Variants in EPHA6 observed in about 807,000 individuals in gnomAD.
EPHA6 encodes ephrin type-A receptor 6.
Under a neutral mutation model 112.0 loss-of-function variants are expected in EPHA6, and 50 were observed. The observed-to-expected ratio is 0.45, with a 90% confidence interval of 0.36 to 0.56. The LOEUF is 0.56. Ranked by LOEUF, EPHA6 falls within the 20% of genes least tolerant of loss-of-function variation. EPHA6 has a pLI of 0.00. For synonymous variants in EPHA6, 529 were observed against 490.7 expected, an observed-to-expected ratio of 1.08 and a Z score of -1.03; for missense variants, 1,280 against 1,417.4, an observed-to-expected ratio of 0.90 and a Z score of 1.56.
At chr3:97,725,607 G>A (rs1284428787) in intron 15 of EPHA6, among the ~76,000 whole-genome samples, 1 of 152,070 alleles carries the variant, frequency 6.6e-6, no homozygotes, top group Non-Finnish European at 1.5e-5. Context: ...AGATGTTATT[G>A]AAAAGACCAG....
intron 10 of EPHA6, among the ~76,000 whole-genome samples, chr3:97,500,229 G>T (rs2092081574): frequency 6.6e-6 from 1 of 152,092 alleles, no homozygotes; most frequent in Non-Finnish European, 1.5e-5. Context: ...TTGGGATGTG[G>T]TATGTGTAAG....
At chr3:97,215,778 A>G (rs1409082666) in intron 3 of EPHA6, among the ~76,000 whole-genome samples, 1 of 152,152 alleles carries the variant, frequency 6.6e-6, no homozygotes, top group African/African-American at 2.4e-5. Flanking sequence ...ACATATTTTG[A>G]AATAAAAATT....
intron 5 of EPHA6, among the ~76,000 whole-genome samples, chr3:97,258,705 T>C (rs977003768): frequency 4.6e-5 from 7 of 152,164 alleles, no homozygotes; most frequent in African/African-American, 1.7e-4. Context: ...TGATCAACTC[T>C]GTGTTCTAGT....
intron 3 of EPHA6, among the ~76,000 whole-genome samples, chr3:97,056,223 C>T (rs1197841015): frequency 6.6e-6 from 1 of 152,082 alleles, no homozygotes; most frequent in Non-Finnish European, 1.5e-5. Context: ...ATTGGTGCTA[C>T]TATATAATCT....
chr3:96,925,657 G>A (rs1242923781), intron 2 of EPHA6, among the ~76,000 whole-genome samples: 8 of 149,452 alleles, frequency 5.4e-5, no homozygotes, highest in Admixed American at 4.7e-4. Flanking sequence ...CCAAGCTGGA[G>A]TGCAGTGACG....
intron 7 of EPHA6, among the ~76,000 whole-genome samples, chr3:97,453,247 T>C (rs1200708625): frequency 6.6e-6 from 1 of 151,640 alleles, no homozygotes; most frequent in African/African-American, 2.4e-5. Context: ...ACAGAATCCA[T>C]AGCTTAAAGC....
intron 2 of EPHA6, among the ~76,000 whole-genome samples, chr3:96,982,438 G>C (rs1240995458): frequency 6.6e-6 from 1 of 152,120 alleles, no homozygotes; most frequent in Non-Finnish European, 1.5e-5. Flanking sequence ...TATAATTTCT[G>C]TTCTTTTACA....
At chr3:96,820,058 T>C (rs2033129755) in intron 1 of EPHA6, among the ~76,000 whole-genome samples, 1 of 151,962 alleles carries the variant, frequency 6.6e-6, no homozygotes. Flanking sequence ...TGGGAAGAAG[T>C]GCGTAACATA....
At chr3:97,622,154 A>G (rs963847428) in intron 13 of EPHA6, among the ~76,000 whole-genome samples, 2 of 151,880 alleles carry the variant, frequency 1.3e-5, no homozygotes, top group African/African-American at 4.8e-5. Context: ...TATCACCAGT[A>G]TCCATCTGCA....
At chr3:96,957,329 A>G (rs895610387) in intron 2 of EPHA6, among the ~76,000 whole-genome samples, 1 of 152,198 alleles carries the variant, frequency 6.6e-6, no homozygotes, top group East Asian at 1.9e-4. Context: ...TAAAGATATA[A>G]CTATGGTAGA....
chr3:97,197,794 A>G (rs1328473647), intron 3 of EPHA6, among the ~76,000 whole-genome samples: 1 of 152,056 alleles, frequency 6.6e-6, no homozygotes, highest in Admixed American at 6.6e-5. Context: ...AACTTTATTT[A>G]GAACCCCATA....
chr3:97,547,783 A>G (rs1442175444), intron 11 of EPHA6, among the ~76,000 whole-genome samples: 1 of 152,132 alleles, frequency 6.6e-6, no homozygotes, highest in Admixed American at 6.5e-5. Flanking sequence ...CCCCTCCCCC[A>G]GCCTCACTGC....
At chr3:97,719,872 T>G (rs558060986) in intron 14 of EPHA6, among the ~76,000 whole-genome samples, 3 of 152,310 alleles carry the variant, frequency 2.0e-5, no homozygotes, top group Non-Finnish European at 4.4e-5. Flanking sequence ...TTAGAGATTA[T>G]TCTCATTATT....
chr3:97,244,247 C>G lies in EPHA6; in HGVS notation c.1566C>G (p.Pro522=). The G allele has an allele frequency of 6.2e-7, 1 of 1,613,210 alleles. No homozygotes were observed. Among genetic ancestry groups the G allele is most frequent in the African/African-American group, 1.3e-5 (1 of 74,974 alleles). The change falls in exon 5 of 18, where the codon CCC becomes CCG. Residue 522 remains proline, a synonymous_variant. Transcript: ENST00000389672. ...GAGTTTCTGAGTTGAGTTTTTCTCCCAAGCCATTCACAGCTATTACAGTGA... is the reference window on the plus strand; with the variant it reads ...GAGTTTCTGAGTTGAGTTTTTCTCCGAAGCCATTCACAGCTATTACAGTGA... ...MNGVSELSFS[P]KPFTAITVTT...
intron 14 of EPHA6, among the ~76,000 whole-genome samples, chr3:97,715,410 G>T (rs2034170375): frequency 6.6e-6 from 1 of 152,130 alleles, no homozygotes; most frequent in African/African-American, 2.4e-5. Flanking sequence ...AGTCAAAATT[G>T]CTCTTAAGGA....
chr3:97,590,587 T>G (rs1316177085), intron 11 of EPHA6, among the ~76,000 whole-genome samples: 1 of 152,204 alleles, frequency 6.6e-6, no homozygotes, highest in Non-Finnish European at 1.5e-5. Context: ...GCCTTTAATT[T>G]CATTTATATC....
At chr3:96,879,310 A>G (rs1282277784) in intron 2 of EPHA6, among the ~76,000 whole-genome samples, 1 of 152,128 alleles carries the variant, frequency 6.6e-6, no homozygotes, top group Non-Finnish European at 1.5e-5. Flanking sequence ...TCTACCATAA[A>G]CAAACAAAAA....
At chr3:97,384,925 TA>T (rs954226624) in intron 5 of EPHA6, among the ~76,000 whole-genome samples, 4 of 152,156 alleles carry the variant, frequency 2.6e-5, no homozygotes, top group Non-Finnish European at 5.9e-5. Flanking sequence ...GATGAGTGTT[TA>T]AAAACTAGCT....
chr3:97,697,553 A>G (rs550803202), intron 14 of EPHA6, among the ~76,000 whole-genome samples: 4 of 152,326 alleles, frequency 2.6e-5, no homozygotes, highest in African/African-American at 9.6e-5. Flanking sequence ...TTTCAGGGTC[A>G]TGAAAGGCAT....
Sources: gnomAD v4.1 joint callset for allele counts (sites outside exome capture counted in the v4.1 genomes callset) on GRCh38, gnomAD v4.1.1 for gene constraint, MANE v1.5 for transcripts, NCBI Gene and HGNC (gene_info 2026-07-23, HGNC 2026-07-21) for gene names.